The following NDUFS8 variants were observed in gnomAD, a reference collection of about 807,000 sequenced individuals.
NDUFS8 encodes NADH:ubiquinone oxidoreductase core subunit S8.
NDUFS8 carries 13 observed loss-of-function variants against 25.6 expected under a neutral mutation model. That is an observed-to-expected ratio of 0.51 (90% confidence interval 0.33 to 0.81). The LOEUF is 0.81. Among genes scored for constraint, NDUFS8 ranks in the 30% least tolerant of loss-of-function variants. The probability of loss-of-function intolerance (pLI) is 0.02; values close to 1 mark genes in which losing one functional copy is unlikely to be tolerated. For missense variants in NDUFS8, 257 were observed against 300.9 expected (o/e 0.85, Z 1.08); for synonymous variants, 119 against 119.4 (o/e 1.00, Z 0.02).
rs751536330 is a variant in NDUFS8 at position 68,032,205 on chromosome 11, T to C, written c.54T>C (p.Arg18=). The C allele has an allele frequency of 6.2e-7, 1 of 1,613,402 alleles. No individual in the cohort carries two copies. The highest frequency in any genetic ancestry group is 8.5e-7 in the Non-Finnish European group (1 of 1,180,028). The stretch of plus-strand genomic sequence containing the variant: ...TGCGGGCCCTGGCCCAGGCTGCACG[T>C]GCAGGTAGGACCAAAGAAGCCTTTG... The part of the protein sequence containing the change: ...MLLRALAQAA[R]AGPPGGRSLH... The change falls in exon 2 of 7, where the codon CGT becomes CGC. Residue 18 remains arginine, a synonymous_variant. Transcript: ENST00000313468.
In NDUFS8 at chr11:68,036,351, G is replaced by C; in HGVS notation, c.471G>C (p.Gln157His). ...AGTGCATCTACTGCGGCTTCTGCCA[G>C]GAGGCCTGTCCCGTGGATGCCATCG... ...MTKCIYCGFC[Q>H]EACPVDAIVE... Residue 157 changes from glutamine to histidine, a missense_variant, in exon 6 of 7, where the codon CAG becomes CAC. Transcript: ENST00000313468. 6.2e-7 allele frequency: 1 copy of C among 1,613,804 alleles called. No homozygotes were observed. The highest frequency in any genetic ancestry group is 8.5e-7 in the Non-Finnish European group (1 of 1,180,010).
chr11:68,033,005 C>T lies in NDUFS8; in HGVS notation c.192C>T (p.Leu64=), dbSNP rs144268483. Residue 64 remains leucine (L), a synonymous_variant, in exon 4 of 7, where the codon CTC becomes CTT. Transcript: ENST00000313468. ...RAARTLLWTE[L]FRGLGMTLSY... is the part of the protein sequence containing the mutation. The stretch of plus-strand genomic sequence containing the variant: ...CCCGCACCCTGCTGTGGACTGAGCT[C>T]TTCCGAGGTGCGTCCTGGGCATGAG... The T allele has an allele frequency of 2.6e-5, 42 of 1,613,806 alleles. No homozygotes were observed. The highest frequency in any genetic ancestry group is 3.6e-5 in the Non-Finnish European group (42 of 1,180,002).
At position 68,030,694 on chromosome 11, in the gene NDUFS8, C is replaced by T. The variant is rs1296096086; in HGVS notation, c.-40C>T. ...AGTGTAGCCTCCGCCTCCCGATTGA[C>T]TGGCCTGCTTGGCAAGGCAAGTAGC... On this transcript the variant is annotated 5_prime_UTR_variant, in exon 1 of 7. Transcript: ENST00000313468. 3.0e-6 allele frequency: 1 copy of T among 329,720 alleles called. No individual in the cohort carries two copies. Among genetic ancestry groups the T allele is most frequent in the Admixed American group, 4.2e-5 (1 of 24,006 alleles). 20.4% of individuals were successfully genotyped at this position (329,720 alleles called of 1,614,324 possible).
chr11:68,036,500 G>A lies in NDUFS8; in HGVS notation c.540G>A (p.Glu180=). The change falls in exon 7 of 7, where the codon GAG becomes GAA. Residue 180 remains glutamate (E), a synonymous_variant. Transcript: ENST00000313468. The part of the protein sequence containing the change: ...NFEFSTETHE[E]LLYNKEKLLN... ...AGTTCTCCACGGAGACCCATGAGGAGCTGCTGTACAACAAGGAGAAGTTGC... is the reference window on the plus strand; with the variant it reads ...AGTTCTCCACGGAGACCCATGAGGAACTGCTGTACAACAAGGAGAAGTTGC... 6.2e-7 allele frequency: 1 copy of A among 1,614,140 alleles called. No homozygotes were observed. The highest frequency in any genetic ancestry group is 8.5e-7 in the Non-Finnish European group (1 of 1,180,008).
intron 4 of NDUFS8, 46 bp downstream of exon 4, chr11:68,033,058 G>A (rs779034714): frequency 1.6e-5 from 26 of 1,613,130 alleles, no homozygotes; most frequent in African/African-American, 5.3e-5. Context: ...GGGTGGGCAC[G>A]GATGCATGGG....
At chr11:68,033,704 G>T in intron 5 of NDUFS8, 1 of 291,112 alleles carries the variant, frequency 3.4e-6, no homozygotes, top group Non-Finnish European at 6.8e-6. Context: ...CTCTTAGTGG[G>T]TCTCGTGCTT....
At chr11:68,035,943 G>T in intron 5 of NDUFS8, 1 of 384,648 alleles carries the variant, frequency 2.6e-6, no homozygotes, top group Non-Finnish European at 5.0e-6. Context: ...CACTTGAACC[G>T]GGAAGGCCGA....
At chr11:68,031,842 AGG>A (rs1854772643) in intron 1 of NDUFS8, 1 of 487,850 alleles carries the variant, frequency 2.0e-6, no homozygotes, top group African/African-American at 1.9e-5. Context: ...GGGAGGATGA[AGG>A]GAGGAGCAGA....
In NDUFS8 at chr11:68,032,182, C is replaced by A; in HGVS notation, c.31C>A (p.Arg11=). Residue 11 remains arginine (R), a synonymous_variant, in exon 2 of 7, where the codon CGG becomes AGG. Coordinates refer to ENST00000313468, the MANE Select transcript of NDUFS8 (RefSeq NM_002496.4). MRCLTTPMLL[R]ALAQAARAGP... is the part of the protein sequence containing the mutation. ...CTGCCTGACCACGCCTATGCTGCTG[C>A]GGGCCCTGGCCCAGGCTGCACGTGC... 6.2e-7 allele frequency: 1 copy of A among 1,612,960 alleles called. No individual in the cohort carries two copies. Among genetic ancestry groups the A allele is most frequent in the Non-Finnish European group, 8.5e-7 (1 of 1,180,028 alleles).
Position 68,036,314 on chromosome 11 carries a change from T to C in NDUFS8, c.434T>C (p.Ile145Thr), listed in dbSNP as rs1854890244. Residue 145 changes from isoleucine to threonine, a missense_variant, in exon 6 of 7, where the codon ATC (isoleucine) becomes ACC (threonine). Transcript: ENST00000313468. The part of the protein sequence containing the change: ...DGSRRTTRYD[I>T]DMTKCIYCGF... ...AGCCGCCGGACCACCCGCTATGACA[T>C]CGACATGACCAAGTGCATCTACTGC... 3 of 1,613,574 alleles carry C rather than the reference T, an allele frequency of 1.9e-6. No homozygotes were observed. Among genetic ancestry groups the C allele is most frequent in the Non-Finnish European group, 2.5e-6 (3 of 1,179,986 alleles).
chr11:68,033,703 G>C, intron 5 of NDUFS8: 1 of 294,090 alleles, frequency 3.4e-6, no homozygotes, highest in Non-Finnish European at 6.7e-6. Context: ...TCTCTTAGTG[G>C]GTCTCGTGCT....
intron 1 of NDUFS8, 125 bp downstream of exon 1, chr11:68,030,858 G>T (rs1349446598): frequency 2.3e-6 from 1 of 440,134 alleles, no homozygotes; most frequent in African/African-American, 2.1e-5. Flanking sequence ...CTCAGGATCC[G>T]CGGCCTCCGT....
At chr11:68,033,513 C>G (rs1854814853) in intron 5 of NDUFS8, 1 of 634,628 alleles carries the variant, frequency 1.6e-6, no homozygotes, top group Admixed American at 2.5e-5. Flanking sequence ...GCGCCTGACA[C>G]ACAGAGGTTC....
intron 5 of NDUFS8, 80 bp from the exon 6 acceptor site, chr11:68,036,173 T>C (rs1854885013): frequency 6.3e-7 from 1 of 1,597,700 alleles, no homozygotes; most frequent in East Asian, 2.2e-5. Context: ...ACCCCAGGGG[T>C]GGGGATGAGC....
rs1351729966 is a variant in NDUFS8, at chr11:68,032,958, A to G, written c.145A>G (p.Lys49Glu). Residue 49 changes from lysine to glutamate, a missense_variant, in exon 4 of 7, where the codon AAG becomes GAG. Transcript: ENST00000313468. Reference sequence around the variant, plus strand: ...CATGCAGGATCCCGAGATGGACATGAAGTCAGTGACTGACCGGGCAGCCCG... The same window carrying G: ...CATGCAGGATCCCGAGATGGACATGGAGTCAGTGACTGACCGGGCAGCCCG... ...VNMQDPEMDM[K>E]SVTDRAARTL... 2 of 1,613,854 alleles carry G rather than the reference A, an allele frequency of 1.2e-6. No homozygotes were observed. The highest frequency in any genetic ancestry group is 1.7e-6 in the Non-Finnish European group (2 of 1,179,978).
chr11:68,036,638 G>T lies in NDUFS8; in HGVS notation c.*45G>T. 1.9e-6 allele frequency: 3 copies of T among 1,611,246 alleles called. No individual in the cohort carries two copies. The highest frequency in any genetic ancestry group is 1.1e-5 in the South Asian group (1 of 90,864). Reference sequence around the variant, plus strand: ...CCCTGCTGCCCAATAAAACCACTCCGACCCCACGGCCTCTTGTCTTGACTC... The same window carrying T: ...CCCTGCTGCCCAATAAAACCACTCCTACCCCACGGCCTCTTGTCTTGACTC... On this transcript the variant is annotated 3_prime_UTR_variant, in exon 7 of 7. Coordinates refer to ENST00000313468, the MANE Select transcript of NDUFS8 (RefSeq NM_002496.4).
In NDUFS8 at chr11:68,036,479, C is replaced by G. The variant is rs780213985; in HGVS notation, c.519C>G (p.Phe173Leu). 4 of 1,614,080 alleles carry G rather than the reference C, an allele frequency of 2.5e-6. No homozygotes were observed. The highest frequency in any genetic ancestry group is 3.4e-6 in the Non-Finnish European group (4 of 1,179,988). ...DAIVEGPNFE[F>L]STETHEELLY... is the part of the protein sequence containing the mutation. ...ACCTGCAGGGCCCCAACTTTGAGTT[C>G]TCCACGGAGACCCATGAGGAGCTGC... is the stretch of plus-strand genomic sequence containing the variant. Residue 173 changes from phenylalanine (F) to leucine (L), a missense_variant, in exon 7 of 7, where the codon TTC becomes TTG. By Grantham distance (22) the Phe-to-Leu change is conservative. Transcript: ENST00000313468.
chr11:68,032,635 GC>G, intron 3 of NDUFS8: 1 of 1,035,724 alleles, frequency 9.7e-7, no homozygotes, highest in Non-Finnish European at 1.4e-6. Context: ...AAAGGCTCAA[GC>G]CCCCCACCTA....
chr11:68,032,501 G>A (rs551690595), intron 3 of NDUFS8, 165 bp downstream of exon 3: 1 of 1,521,102 alleles, frequency 6.6e-7, no homozygotes, highest in South Asian at 1.2e-5. Context: ...TGATTCACAG[G>A]GGCAGGGTCC....
Sources: gnomAD v4.1 joint callset for allele counts on GRCh38, gnomAD v4.1.1 for gene constraint, MANE v1.5 for transcripts, NCBI Gene and HGNC (gene_info 2026-07-23, HGNC 2026-07-21) for gene names.